PIP5K1B: variants seen among roughly 807,000 people sequenced by gnomAD.
PIP5K1B encodes phosphatidylinositol-4-phosphate 5-kinase type 1 beta.
PIP5K1B carries 42 observed loss-of-function variants against 67.0 expected under a neutral mutation model. The observed-to-expected ratio is 0.63, with a 90% CI of 0.49 to 0.81. The LOEUF is 0.81. Ranked by LOEUF, PIP5K1B falls within the 30% of genes least tolerant of loss-of-function variation. The probability of loss-of-function intolerance (pLI) is 0.00; values close to 1 mark genes in which losing one functional copy is unlikely to be tolerated. For missense variants in PIP5K1B, 459 were observed against 646.3 expected (o/e 0.71, Z 3.14); for synonymous variants, 214 against 231.4 (o/e 0.92, Z 0.68).
intron 1 of PIP5K1B, among the ~76,000 whole-genome samples, chr9:68,718,528 C>T (rs540939025): frequency 2.6e-5 from 4 of 152,276 alleles, no homozygotes; most frequent in African/African-American, 9.6e-5. Flanking sequence ...ATTGAAGGGG[C>T]TCAAAATAGG....
At chr9:68,785,782 C>T (rs962534548) in intron 2 of PIP5K1B, among the ~76,000 whole-genome samples, 3 of 152,048 alleles carry the variant, frequency 2.0e-5, no homozygotes, top group Non-Finnish European at 4.4e-5. Context: ...TGAATGGGTT[C>T]GTACACAATG....
intron 2 of PIP5K1B, chr9:68,780,506 C>G: frequency 1.2e-6 from 2 of 1,614,210 alleles, no homozygotes; most frequent in Non-Finnish European, 1.7e-6. Context: ...TGCAGATAAG[C>G]CACTCCTGGG....
chr9:68,922,090 A>G (rs1295039151), intron 11 of PIP5K1B, among the ~76,000 whole-genome samples: 1 of 152,138 alleles, frequency 6.6e-6, no homozygotes, highest in Admixed American at 6.5e-5. Context: ...TTCTGCTGAT[A>G]TTTCTAAATT....
At chr9:68,870,811 A>T (rs1823590789) in intron 5 of PIP5K1B, among the ~76,000 whole-genome samples, 1 of 152,234 alleles carries the variant, frequency 6.6e-6, no homozygotes, top group African/African-American at 2.4e-5. Flanking sequence ...CTTTAGCGAC[A>T]CTGACCACTA....
intron 7 of PIP5K1B, among the ~76,000 whole-genome samples, chr9:68,891,034 G>A (rs1473042426): frequency 6.6e-6 from 1 of 152,142 alleles, no homozygotes; most frequent in Non-Finnish European, 1.5e-5. Context: ...GATCACTTGA[G>A]CCCAGGTGTT....
intron 1 of PIP5K1B, among the ~76,000 whole-genome samples, chr9:68,716,360 C>G (rs1338862615): frequency 6.6e-6 from 1 of 152,082 alleles, no homozygotes; most frequent in Non-Finnish European, 1.5e-5. Context: ...AACATTTATT[C>G]TAAATATAAA....
intron 6 of PIP5K1B, among the ~76,000 whole-genome samples, chr9:68,880,552 C>A (rs1824132854): frequency 8.5e-6 from 1 of 117,216 alleles, no homozygotes. Flanking sequence ...AAGACTGCAT[C>A]TGAAACACAC....
At chr9:68,904,493 T>G (rs1322940703) in intron 8 of PIP5K1B, among the ~76,000 whole-genome samples, 1 of 152,218 alleles carries the variant, frequency 6.6e-6, no homozygotes, top group Non-Finnish European at 1.5e-5. Context: ...TCCAAACATT[T>G]AATTTTAAAA....
chr9:68,918,500 G>T (rs780495736), intron 9 of PIP5K1B, among the ~76,000 whole-genome samples: 2 of 152,164 alleles, frequency 1.3e-5, no homozygotes, highest in Non-Finnish European at 2.9e-5. Context: ...TGACAGATGT[G>T]GTCTCTCGTC....
At chr9:68,753,358 G>A (rs930669925) in intron 2 of PIP5K1B, among the ~76,000 whole-genome samples, 1 of 59,588 alleles carries the variant, frequency 1.7e-5, no homozygotes, top group African/African-American at 7.4e-5. Context: ...TTTTTTTTTT[G>A]AGACTGAGTC....
intron 14 of PIP5K1B, among the ~76,000 whole-genome samples, chr9:68,968,447 A>T (rs1829154027): frequency 6.8e-6 from 1 of 147,436 alleles, no homozygotes; most frequent in African/African-American, 2.5e-5. Flanking sequence ...TTCAATCTGG[A>T]GGCAGAGGTT....
chr9:68,979,875 G>A (rs963984044), intron 14 of PIP5K1B, among the ~76,000 whole-genome samples: 1 of 152,198 alleles, frequency 6.6e-6, no homozygotes, highest in African/African-American at 2.4e-5. Flanking sequence ...GTGGGAGAGT[G>A]GGGAAGAGCA....
intron 14 of PIP5K1B, among the ~76,000 whole-genome samples, chr9:68,990,811 G>GCACCACCA (rs1830328601): frequency 6.6e-6 from 1 of 151,612 alleles, no homozygotes; most frequent in South Asian, 2.1e-4. Context: ...CTACAGGTGT[G>GCACCACCA]CACCACCACA....
intron 14 of PIP5K1B, among the ~76,000 whole-genome samples, chr9:68,967,974 C>G (rs1027188032): frequency 8.6e-5 from 13 of 151,998 alleles, no homozygotes; most frequent in African/African-American, 3.1e-4. Flanking sequence ...GCTGCTCTTA[C>G]CAACAGAAGA....
chr9:68,815,084 A>C (rs571639115), intron 2 of PIP5K1B, among the ~76,000 whole-genome samples: 1 of 152,250 alleles, frequency 6.6e-6, no homozygotes, highest in South Asian at 2.1e-4. Context: ...AATAATAAGT[A>C]AAATGTAAAT....
At chr9:68,862,044 G>C (rs1256246942) in intron 4 of PIP5K1B, among the ~76,000 whole-genome samples, 1 of 152,116 alleles carries the variant, frequency 6.6e-6, no homozygotes, top group Non-Finnish European at 1.5e-5. Flanking sequence ...TAAGTGTCAA[G>C]GATGTAGATA....
intron 12 of PIP5K1B, among the ~76,000 whole-genome samples, chr9:68,932,100 TTC>T (rs1827032746): frequency 6.6e-6 from 1 of 152,192 alleles, no homozygotes; most frequent in Non-Finnish European, 1.5e-5. Flanking sequence ...TTACTTCTTT[TTC>T]CAGTCTTTTG....
intron 1 of PIP5K1B, among the ~76,000 whole-genome samples, chr9:68,735,333 T>TTTTTTTTTTTTTTTTTTTTTTTTTG (rs1828682299): frequency 7.3e-6 from 1 of 136,238 alleles, no homozygotes; most frequent in Non-Finnish European, 1.6e-5. Flanking sequence ...TTTTTTTTTT[T>TTTTTTTTTTTTTTTTTTTTTTTTTG]TTTTTTTTTT....
At chr9:68,999,462 C>G (rs188297347) in intron 15 of PIP5K1B, among the ~76,000 whole-genome samples, 97 of 152,326 alleles carry the variant, frequency 6.4e-4, no homozygotes, top group African/African-American at 2.2e-3. Flanking sequence ...TTGTATTCCT[C>G]ACAAAGAGGT....
Sources: allele counts gnomAD v4.1 joint callset (sites outside exome capture counted in the v4.1 genomes callset), GRCh38; gene constraint gnomAD v4.1.1; transcripts MANE v1.5; gene names NCBI Gene and HGNC (gene_info 2026-07-23, HGNC 2026-07-21).